The following SLC6A3 variants were observed in gnomAD, a reference collection of about 807,000 sequenced individuals.
The protein encoded by SLC6A3 is sodium-dependent dopamine transporter.
In SLC6A3, 19 loss-of-function variants were observed where a neutral mutation model predicts 70.4. That is an observed-to-expected ratio of 0.27 (90% CI 0.19 to 0.40). SLC6A3 has a LOEUF of 0.40. Ranked by LOEUF, SLC6A3 falls within the 10% of genes least tolerant of loss-of-function variation. The pLI is 1.00. For missense variants in SLC6A3, 613 were observed against 838.5 expected, an observed-to-expected ratio of 0.73 and a Z score of 3.32; for synonymous variants, 368 against 356.6, an observed-to-expected ratio of 1.03 and a Z score of -0.36.
intron 4 of SLC6A3, 138 bp downstream of exon 4, chr5:1,432,326 A>G (rs1181616294): frequency 8.4e-6 from 6 of 718,298 alleles, no homozygotes; most frequent in Non-Finnish European, 1.5e-5. Context: ...CCAGAGCACT[A>G]AAGGGATGGA....
Position 1,437,565 on chromosome 5 carries a change from G to A in SLC6A3, c.418+3794C>T, listed in dbSNP as rs1234181354. On this transcript the variant is annotated intron_variant, in intron 3 of 14. Transcript: ENST00000270349. This position sits in a 1 kb window ranked among gnomAD's most constrained non-coding sequence, Gnocchi z 4.8. Reference sequence around the variant, plus strand: ...CACTGCGGGGCTGAAGGCCCCAGAGGCCCCTCTGGCTGTGGTGCCCATCCC... The same window carrying A: ...CACTGCGGGGCTGAAGGCCCCAGAGACCCCTCTGGCTGTGGTGCCCATCCC... Among the ~76,000 whole-genome samples, 1 of 152,262 alleles carries A rather than the reference G, an allele frequency of 6.6e-6. No homozygotes were observed. The highest frequency in any genetic ancestry group is 1.9e-4 in the East Asian group (1 of 5,202).
intron 3 of SLC6A3, 84 bp downstream of exon 3, chr5:1,441,275 A>C: frequency 6.4e-7 from 1 of 1,556,696 alleles, no homozygotes; most frequent in Non-Finnish European, 8.9e-7. Flanking sequence ...GATGCCCATG[A>C]TGCGGCTGGC....
chr5:1,442,447 C>G lies in SLC6A3; in HGVS notation c.286+465G>C, dbSNP rs568113317. Among the ~76,000 whole-genome samples the G allele has an allele frequency of 6.6e-6, 1 of 152,200 alleles. No individual in the cohort carries two copies. Among genetic ancestry groups the G allele is most frequent in the Non-Finnish European group, 1.5e-5 (1 of 68,026 alleles). ...CCCTGCCTCGATCTTCGCTTTCTGG[C>G]TCTGTGGCTGGGTTCTGGAGGGTGC... On this transcript the variant is annotated intron_variant, in intron 2 of 14. Transcript: ENST00000270349. The surrounding 1 kb of genome is among the most constrained non-coding windows in gnomAD (Gnocchi z 5.0).
At chr5:1,416,574 C>CACCGAG in intron 6 of SLC6A3, 9 of 283,446 alleles carry the variant, frequency 3.2e-5, no homozygotes, top group South Asian at 8.0e-5. Context: ...AGCACGGCCT[C>CACCGAG]ATCTACACAA....
Position 1,414,685 on chromosome 5 carries a change from G to A in SLC6A3, c.1156+6C>T. The A allele has an allele frequency of 6.2e-7, 1 of 1,612,136 alleles. No homozygotes were observed. The highest frequency in any genetic ancestry group is 8.5e-7 in the Non-Finnish European group (1 of 1,179,628). The stretch of plus-strand genomic sequence containing the variant: ...AGCAGGCCCAGGTGCAGCAGGAGGG[G>A]CTCACCGTCCTTGGCCACGTCCCCG... On this transcript the variant is annotated splice_donor_region_variant and intron_variant, in intron 8 of 14. Transcript: ENST00000270349.
rs1490230937 is a variant in SLC6A3, at chr5:1,436,691, C to T, written c.419-3993G>A. 6.6e-6 allele frequency among the ~76,000 whole-genome samples: 1 copy of T among 152,120 alleles called. No homozygotes were observed. The highest frequency in any genetic ancestry group is 6.5e-5 in the Admixed American group (1 of 15,274). On this transcript the variant is annotated intron_variant, in intron 3 of 14. Transcript: ENST00000270349. The surrounding 1 kb of genome is among the most constrained non-coding windows in gnomAD (Gnocchi z 5.2). ...CAATCGAATGGTGGGGTTTCCAGGG[C>T]GTCTGTAAAATGGGGTTGCCCTTGG...
At chr5:1,420,482 C>T in intron 6 of SLC6A3, 87 bp downstream of exon 6, 1 of 1,517,762 alleles carries the variant, frequency 6.6e-7, no homozygotes, top group Non-Finnish European at 9.1e-7. Flanking sequence ...ACTCTGACAC[C>T]TCTCAGCCCT....
intron 14 of SLC6A3, among the ~76,000 whole-genome samples, chr5:1,398,471 A>G (rs1405334978): frequency 6.6e-6 from 1 of 152,194 alleles, no homozygotes; most frequent in African/African-American, 2.4e-5. Context: ...AAAAGGCAAT[A>G]AAGGAGAAAA....
At chr5:1,439,877 A>T (rs1431142288) in intron 3 of SLC6A3, among the ~76,000 whole-genome samples, 1 of 152,160 alleles carries the variant, frequency 6.6e-6, no homozygotes, top group Non-Finnish European at 1.5e-5. Flanking sequence ...ATCAAATCCC[A>T]CTCTGCTCTG....
At chr5:1,418,353 G>T (rs1756354871) in intron 6 of SLC6A3, among the ~76,000 whole-genome samples, 2 of 152,040 alleles carry the variant, frequency 1.3e-5, no homozygotes, top group Non-Finnish European at 2.9e-5. Flanking sequence ...TTTCTTTCCT[G>T]ATTTCTCTTC....
chr5:1,419,132 T>TCATC (rs1184441266), intron 6 of SLC6A3, among the ~76,000 whole-genome samples: 22 of 149,360 alleles, frequency 1.5e-4, no homozygotes, highest in African/African-American at 3.0e-4. Context: ...CATCATCCAT[T>TCATC]CATCCATCCA....
In SLC6A3 at chr5:1,420,447, C is replaced by T. The variant is rs1024295788; in HGVS notation, c.927+122G>A. 12 of 1,197,674 alleles carry T rather than the reference C, an allele frequency of 1.0e-5. No individual in the cohort carries two copies. The Admixed American group carries it at 1.0e-4, about 10-fold the overall frequency. The allele number at this position is 1,197,674 out of a possible 1,614,324, so 74.2% of individuals were successfully genotyped here. ...CACAGGTACTTGGGATTTGGCTTCC[C>T]GAGGAAAGAACCCTGGTGTCTGCAA... is the stretch of plus-strand genomic sequence containing the variant. On this transcript the variant is annotated intron_variant, in intron 6 of 14. Coordinates refer to ENST00000270349, the MANE Select transcript of SLC6A3 (RefSeq NM_001044.5).
intron 14 of SLC6A3, among the ~76,000 whole-genome samples, chr5:1,399,191 C>T (rs1299954602): frequency 6.6e-6 from 1 of 151,988 alleles, no homozygotes; most frequent in African/African-American, 2.4e-5. Context: ...TAAAACATCC[C>T]CATATATTTG....
intron 10 of SLC6A3, 29 bp downstream of exon 10, chr5:1,409,689 CAGG>C: frequency 1.2e-6 from 2 of 1,612,320 alleles, no homozygotes; most frequent in East Asian, 2.2e-5. Flanking sequence ...GAGACATGAC[CAGG>C]AGAAGGCGAA....
At position 1,406,684 on chromosome 5, in the gene SLC6A3, G is replaced by T. The variant is rs149600440; in HGVS notation, c.1499-396C>A. ...AACTTACCATTTTAGCCATTTTTAC[G>T]TGTAGAGTTCATAATGTATCAATAC... is the stretch of plus-strand genomic sequence containing the variant. On this transcript the variant is annotated intron_variant, in intron 11 of 14. Coordinates refer to ENST00000270349, the MANE Select transcript of SLC6A3 (RefSeq NM_001044.5). The surrounding 1 kb of genome is among the most constrained non-coding windows in gnomAD (Gnocchi z 8.8). Among the ~76,000 whole-genome samples, 291 of 152,180 alleles carry T rather than the reference G, an allele frequency of 1.9e-3. 1 individual carries two copies. The highest frequency in any genetic ancestry group is 0.01 in the East Asian group (52 of 5,182).
Position 1,413,552 on chromosome 5 carries a change from G to A in SLC6A3, c.1156+1139C>T, listed in dbSNP as rs1756176413. ...TCAGCAACAACACCCACACGGGACAGGGGCTTTTCTGAGCACAATCATTCC... is the reference window on the plus strand; with the variant it reads ...TCAGCAACAACACCCACACGGGACAAGGGCTTTTCTGAGCACAATCATTCC... On this transcript the variant is annotated intron_variant, in intron 8 of 14. Coordinates refer to ENST00000270349, the MANE Select transcript of SLC6A3 (RefSeq NM_001044.5). The surrounding 1 kb of genome is among the most constrained non-coding windows in gnomAD (Gnocchi z 7.1). Among the ~76,000 whole-genome samples the A allele has an allele frequency of 6.6e-6, 1 of 152,202 alleles. No individual in the cohort carries two copies. Among genetic ancestry groups the A allele is most frequent in the Admixed American group, 6.5e-5 (1 of 15,278 alleles).
chr5:1,444,944 G>C (rs1393656123), intron 1 of SLC6A3, among the ~76,000 whole-genome samples: 4 of 152,156 alleles, frequency 2.6e-5, no homozygotes, highest in African/African-American at 9.7e-5. Context: ...CCGCGAGATG[G>C]AGCGGCGGTG....
chr5:1,411,219 G>T lies in SLC6A3; in HGVS notation c.1269+24C>A. On this transcript the variant is annotated intron_variant, in intron 9 of 14. Transcript: ENST00000270349. The surrounding 1 kb of genome is among the most constrained non-coding windows in gnomAD (Gnocchi z 6.5). ...GAAGGAACCCAACTGCCGAGGACAG[G>T]GCCGGGCGGTGCGGGTTACTCACGG... 1 of 1,492,452 alleles carries T rather than the reference G, an allele frequency of 6.7e-7. No homozygotes were observed. Among genetic ancestry groups the T allele is most frequent in the Non-Finnish European group, 9.1e-7 (1 of 1,094,356 alleles). 92.5% of individuals were successfully genotyped at this position (1,492,452 alleles called of 1,614,324 possible). A position where few individuals can be genotyped will look rare whatever the true frequency, so the allele number is the denominator to read the frequency against.
chr5:1,420,472 ACTCTGACAC>A, intron 6 of SLC6A3, 88 bp downstream of exon 6: 1 of 1,440,646 alleles, frequency 6.9e-7, no homozygotes, highest in Non-Finnish European at 9.8e-7. Flanking sequence ...GGTGTCTGCA[ACTCTGACAC>A]CTCTCAGCCC....
Sources: allele counts gnomAD v4.1 joint callset (sites outside exome capture counted in the v4.1 genomes callset), GRCh38; gene constraint gnomAD v4.1.1; non-coding constraint Gnocchi (gnomAD v3.1); transcripts MANE v1.5; gene names NCBI Gene and HGNC (gene_info 2026-07-23, HGNC 2026-07-21).